The following PAWR variants were observed in gnomAD, a reference collection of about 807,000 sequenced individuals.
PAWR encodes PRKC apoptosis WT1 regulator protein.
PAWR carries 23 observed loss-of-function variants against 32.0 expected under a neutral mutation model. The observed-to-expected ratio is 0.72, with a 90% CI of 0.52 to 1.02. The LOEUF is 1.02. PAWR is among the 50% of genes least tolerant of loss of function. PAWR has a pLI of 0.00. For synonymous variants in PAWR, 226 were observed against 187.1 expected (o/e 1.21, Z -1.70); for missense variants, 457 against 437.7 (o/e 1.04, Z -0.39).
intron 2 of PAWR, among the ~76,000 whole-genome samples, chr12:79,634,594 A>G (rs1206660426): frequency 6.6e-6 from 1 of 152,188 alleles, no homozygotes; most frequent in East Asian, 1.9e-4. Flanking sequence ...CAATTTTCCA[A>G]CTGCCAGGTG....
At chr12:79,639,936 A>G in intron 2 of PAWR, among the ~76,000 whole-genome samples, 1 of 140,312 alleles carries the variant, frequency 7.1e-6, no homozygotes. Context: ...ATGGAGTCTC[A>G]CTCTATCGCC....
chr12:79,690,357 A>G lies in PAWR; in HGVS notation c.-113T>C, dbSNP rs1056354203. 88 of 1,347,804 alleles carry G rather than the reference A, an allele frequency of 6.5e-5. No individual in the cohort carries two copies. The Middle Eastern group carries it at 1.4e-3, about 21-fold the overall frequency. 83.5% of individuals were successfully genotyped at this position (1,347,804 alleles called of 1,614,324 possible). A position where few individuals can be genotyped will look rare whatever the true frequency, so the allele number is the denominator to read the frequency against. The stretch of plus-strand genomic sequence containing the variant: ...GATGCCAGGAGACGACCTCCAGGAG[A>G]GGGACGGCCGCCGCTCCCACAGCAG... On this transcript the variant is annotated 5_prime_UTR_variant, in exon 2 of 7. Coordinates refer to ENST00000328827, the MANE Select transcript of PAWR (RefSeq NM_002583.4).
intron 2 of PAWR, among the ~76,000 whole-genome samples, chr12:79,670,099 G>T (rs942097859): frequency 1.3e-5 from 2 of 151,876 alleles, no homozygotes; most frequent in Admixed American, 6.6e-5. Context: ...TTTGAAACAG[G>T]AAAAAAAATT....
intron 4 of PAWR, 102 bp from the exon 5 acceptor site, chr12:79,596,760 C>T (rs1873776182): frequency 3.0e-6 from 2 of 677,000 alleles, no homozygotes; most frequent in South Asian, 2.3e-5. Context: ...TCCCCAAGGA[C>T]ATATGGTTAT....
At chr12:79,639,748 G>A (rs1876187038) in intron 2 of PAWR, among the ~76,000 whole-genome samples, 1 of 149,822 alleles carries the variant, frequency 6.7e-6, no homozygotes, top group Admixed American at 6.6e-5. Context: ...ATTAGCAGTA[G>A]TGGCTGGCAC....
chr12:79,685,256 T>C (rs1878630004), intron 2 of PAWR, among the ~76,000 whole-genome samples: 1 of 152,170 alleles, frequency 6.6e-6, no homozygotes, highest in Non-Finnish European at 1.5e-5. Context: ...ACACTATATC[T>C]ACCCCATTCA....
chr12:79,632,322 T>TATAC (rs1875697374), intron 2 of PAWR, among the ~76,000 whole-genome samples: 3 of 28,748 alleles, frequency 1.0e-4, no homozygotes, highest in Non-Finnish European at 1.5e-4. Context: ...CATATATATA[T>TATAC]ATATATATAT....
chr12:79,649,678 C>T (rs1177833138), intron 2 of PAWR, among the ~76,000 whole-genome samples: 1 of 152,068 alleles, frequency 6.6e-6, no homozygotes. Flanking sequence ...GTAGTCCCAA[C>T]TGCTTGGGAG....
intron 2 of PAWR, among the ~76,000 whole-genome samples, chr12:79,677,765 T>C (rs895929461): frequency 1.3e-5 from 2 of 151,936 alleles, no homozygotes; most frequent in African/African-American, 4.8e-5. Context: ...TGGAGAAAAA[T>C]TCAAAGGCAA....
At chr12:79,669,964 G>A (rs548308808) in intron 2 of PAWR, among the ~76,000 whole-genome samples, 100 of 152,056 alleles carry the variant, frequency 6.6e-4, no homozygotes, top group Non-Finnish European at 1.4e-3. Context: ...ACCTCCCAAA[G>A]TACTGGAATT....
chr12:79,690,462 C>G (rs1878959767), intron 1 of PAWR, 71 bp from the exon 2 acceptor site: 1 of 992,310 alleles, frequency 1.0e-6, no homozygotes, highest in Non-Finnish European at 1.3e-6. Flanking sequence ...GGTCTGCCCC[C>G]GGGCTGCGCC....
At chr12:79,614,141 G>T (rs1477043095) in intron 3 of PAWR, among the ~76,000 whole-genome samples, 1 of 149,056 alleles carries the variant, frequency 6.7e-6, no homozygotes, top group African/African-American at 2.4e-5. Flanking sequence ...CTCCCAAGTA[G>T]CTGGGATTAC....
chr12:79,659,838 G>A (rs551264459), intron 2 of PAWR, among the ~76,000 whole-genome samples: 2 of 151,882 alleles, frequency 1.3e-5, no homozygotes, highest in African/African-American at 2.4e-5. Context: ...CATATTTAAA[G>A]GAAATATTTG....
intron 2 of PAWR, chr12:79,632,164 A>AAC (rs1165668289): frequency 4.8e-4 from 70 of 145,918 alleles, no homozygotes; most frequent in African/African-American, 1.8e-3. Context: ...CAACAACAAC[A>AAC]AAAAAAACCA....
chr12:79,675,074 A>T (rs1878096159), intron 2 of PAWR, among the ~76,000 whole-genome samples: 1 of 152,120 alleles, frequency 6.6e-6, no homozygotes, highest in African/African-American at 2.4e-5. Context: ...TACCCAAAGG[A>T]CTAGAAATCA....
At chr12:79,662,283 T>C (rs956892269) in intron 2 of PAWR, among the ~76,000 whole-genome samples, 4 of 151,856 alleles carry the variant, frequency 2.6e-5, no homozygotes, top group African/African-American at 7.3e-5. Context: ...TATAAATCAT[T>C]TGTAGTTCAC....
intron 2 of PAWR, 127 bp from the exon 3 acceptor site, chr12:79,621,334 T>C: frequency 1.4e-6 from 1 of 711,988 alleles, no homozygotes; most frequent in East Asian, 3.0e-5. Context: ...ATAATAAAAG[T>C]ATTTTTCTTT....
chr12:79,615,827 G>A (rs897712500), intron 3 of PAWR, among the ~76,000 whole-genome samples: 1 of 151,900 alleles, frequency 6.6e-6, no homozygotes, highest in Non-Finnish European at 1.5e-5. Context: ...GAGGCTGAGG[G>A]GAGTGGATCA....
intron 6 of PAWR, among the ~76,000 whole-genome samples, chr12:79,593,659 C>A (rs1402497443): frequency 2.8e-5 from 4 of 141,500 alleles, no homozygotes; most frequent in Non-Finnish European, 4.6e-5. Context: ...GACTCCTTCT[C>A]AAAAAATAAT....
Sources: allele counts gnomAD v4.1 joint callset (sites outside exome capture counted in the v4.1 genomes callset), GRCh38; gene constraint gnomAD v4.1.1; transcripts MANE v1.5; gene names NCBI Gene and HGNC (gene_info 2026-07-23, HGNC 2026-07-21).